EPB41L1: variants seen among roughly 807,000 people sequenced by gnomAD.
EPB41L1 encodes erythrocyte membrane protein band 4.1 like 1.
In EPB41L1, 29 loss-of-function variants were observed where a neutral mutation model predicts 97.8. The ratio of observed to expected loss-of-function variants is 0.30; its 90% CI spans 0.22 to 0.40. The LOEUF is 0.40. EPB41L1 is among the 10% of genes least tolerant of loss of function. The probability of loss-of-function intolerance (pLI) is 1.00; values close to 1 mark genes in which losing one functional copy is unlikely to be tolerated. For synonymous variants in EPB41L1, 383 were observed against 459.2 expected, an observed-to-expected ratio of 0.83 and a Z score of 2.12; for missense variants, 812 against 1,162.3, an observed-to-expected ratio of 0.70 and a Z score of 4.38.
At chr20:36,168,084 C>G (rs1030305993) in intron 1 of EPB41L1, among the ~76,000 whole-genome samples, 2 of 152,228 alleles carry the variant, frequency 1.3e-5, no homozygotes, top group Non-Finnish European at 2.9e-5. Flanking sequence ...AGGACACCCT[C>G]TCCCTGCAGG....
intron 1 of EPB41L1, among the ~76,000 whole-genome samples, chr20:36,164,843 G>A (rs1191403817): frequency 1.3e-5 from 2 of 151,776 alleles, no homozygotes; most frequent in Non-Finnish European, 2.9e-5. Context: ...CTGCCACCAT[G>A]CCCGGCTAAT....
chr20:36,212,493 C>A lies in EPB41L1; in HGVS notation c.2184+117C>A. ...CTTTTAATCTCAGCTTCCCTGGAAC[C>A]CATATGTTAATCCTGATGCTCTCCT... On this transcript the variant is annotated intron_variant, in intron 16 of 21. Coordinates refer to ENST00000338074, the MANE Select transcript of EPB41L1 (RefSeq NM_012156.2). This position sits in a 1 kb window ranked among gnomAD's most constrained non-coding sequence, Gnocchi z 4.8. 2 of 843,640 alleles carry A rather than the reference C, an allele frequency of 2.4e-6. No individual in the cohort carries two copies. Among genetic ancestry groups the A allele is most frequent in the South Asian group, 3.0e-5 (2 of 66,732 alleles). The allele number at this position is 843,640 out of a possible 1,614,324, so 52.3% of individuals were successfully genotyped here.
intron 2 of EPB41L1, among the ~76,000 whole-genome samples, chr20:36,124,871 G>T (rs2058899015): frequency 6.6e-6 from 1 of 152,166 alleles, no homozygotes; most frequent in South Asian, 2.1e-4. Flanking sequence ...GCAGCTTTTA[G>T]TGAGAACTGA....
chr20:36,125,583 C>T (rs575268125), intron 2 of EPB41L1: 2 of 1,530,752 alleles, frequency 1.3e-6, no homozygotes, highest in East Asian at 4.9e-5. Flanking sequence ...GATTGAACCA[C>T]AAGTGCACAG....
intron 5 of EPB41L1, among the ~76,000 whole-genome samples, chr20:36,180,045 C>G (rs2061415429): frequency 6.6e-6 from 1 of 152,186 alleles, no homozygotes; most frequent in African/African-American, 2.4e-5. Context: ...ATGGTCAGGT[C>G]TCAGCATCCC....
At chr20:36,197,008 G>A (rs372780339) in intron 13 of EPB41L1, among the ~76,000 whole-genome samples, 1 of 152,272 alleles carries the variant, frequency 6.6e-6, no homozygotes, top group African/African-American at 2.4e-5. Flanking sequence ...GGGACTTACT[G>A]CTCTTCTTCC....
intron 2 of EPB41L1, among the ~76,000 whole-genome samples, chr20:36,114,308 G>C (rs750381481): frequency 6.6e-6 from 1 of 152,060 alleles, no homozygotes; most frequent in Non-Finnish European, 1.5e-5. Flanking sequence ...TGCCCTCCTC[G>C]TGGCTTAGTT....
chr20:36,193,371 C>T (rs974619046), intron 11 of EPB41L1, among the ~76,000 whole-genome samples: 1 of 152,204 alleles, frequency 6.6e-6, no homozygotes, highest in Non-Finnish European at 1.5e-5. Context: ...TGCATAAATG[C>T]GTACTTTGCA....
At chr20:36,101,612 C>T (rs2147502652) in intron 1 of EPB41L1, among the ~76,000 whole-genome samples, 1 of 152,290 alleles carries the variant, frequency 6.6e-6, no homozygotes, top group Admixed American at 6.5e-5. Context: ...CAGCTTAGCA[C>T]CCCACCCCAT....
intron 7 of EPB41L1, among the ~76,000 whole-genome samples, chr20:36,187,440 A>G (rs1004338746): frequency 1.3e-5 from 2 of 152,218 alleles, no homozygotes; most frequent in Admixed American, 6.5e-5. Context: ...CAGCCTTTGT[A>G]TGATCCCTGG....
intron 2 of EPB41L1, among the ~76,000 whole-genome samples, chr20:36,144,653 G>A (rs1402030405): frequency 3.3e-5 from 5 of 152,172 alleles, no homozygotes; most frequent in African/African-American, 4.8e-5. Flanking sequence ...GAAATAGAAT[G>A]GCTGAGTGGG....
At position 36,209,373 on chromosome 20, in the gene EPB41L1, C is replaced by A; in HGVS notation, c.1669-115C>A. 1 of 1,185,266 alleles carries A rather than the reference C, an allele frequency of 8.4e-7. No individual in the cohort carries two copies. 73.4% of individuals were successfully genotyped at this position (1,185,266 alleles called of 1,614,324 possible). A position where few individuals can be genotyped will look rare whatever the true frequency, so the allele number is the denominator to read the frequency against. The stretch of plus-strand genomic sequence containing the variant: ...TTTTTCATTTCCTGGCCTGCTCTTC[C>A]ATTCAGGATGTCGACACAGCCCCGA... On this transcript the variant is annotated intron_variant, in intron 14 of 21. Coordinates refer to ENST00000338074, the MANE Select transcript of EPB41L1 (RefSeq NM_012156.2). The surrounding 1 kb of genome is among the most constrained non-coding windows in gnomAD (Gnocchi z 4.2).
chr20:36,222,038 GAGA>G, intron 20 of EPB41L1, 94 bp downstream of exon 20: 1 of 1,332,194 alleles, frequency 7.5e-7, no homozygotes, highest in Middle Eastern at 1.8e-4. Context: ...CTCATGGGCA[GAGA>G]AGGTGTCCAC....
At chr20:36,123,505 A>G (rs1399658109) in intron 2 of EPB41L1, among the ~76,000 whole-genome samples, 2 of 152,088 alleles carry the variant, frequency 1.3e-5, no homozygotes, top group African/African-American at 4.8e-5. Context: ...CAGTGGCGCA[A>G]TCTTGGCTCG....
chr20:36,163,044 C>T (rs2060595639), intron 1 of EPB41L1, among the ~76,000 whole-genome samples: 1 of 152,156 alleles, frequency 6.6e-6, no homozygotes, highest in Non-Finnish European at 1.5e-5. Context: ...GTGAGTGTTC[C>T]ATACTGGGGA....
rs1383197977 is a variant in EPB41L1, at chr20:36,093,904, G to C, written c.-65+2292G>C. On this transcript the variant is annotated intron_variant, in intron 1 of 19. Coordinates refer to the EPB41L1 transcript ENST00000202028. This position sits in a 1 kb window ranked among gnomAD's most constrained non-coding sequence, Gnocchi z 5.4. ...CAGTCTCACCCGTGCAGGGCTCTGG[G>C]TGGGTGGGAAGGTAGGTGGGTAGAA... is the stretch of plus-strand genomic sequence containing the variant. 1.3e-5 allele frequency among the ~76,000 whole-genome samples: 2 copies of C among 152,134 alleles called. No homozygotes were observed. The highest frequency in any genetic ancestry group is 2.9e-5 in the Non-Finnish European group (2 of 68,020).
rs529867674 is a variant in EPB41L1, at chr20:36,180,197, C to A, written c.490+1525C>A. On this transcript the variant is annotated intron_variant, in intron 5 of 21. Transcript: ENST00000338074. ...AGAGCCACAGTCTCTGCCTCTACCC[C>A]TGTAACTTCCAGCCATTTATCCTCA... 3.9e-5 allele frequency among the ~76,000 whole-genome samples: 6 copies of A among 152,238 alleles called. No individual in the cohort carries two copies. In the East Asian group the frequency reaches 9.6e-4, roughly 24 times the overall value.
intron 2 of EPB41L1, among the ~76,000 whole-genome samples, chr20:36,114,659 C>T (rs1233482042): frequency 6.6e-6 from 1 of 152,134 alleles, no homozygotes. Flanking sequence ...AATGAAGAAT[C>T]AGGTTGACTC....
intron 2 of EPB41L1, among the ~76,000 whole-genome samples, chr20:36,148,053 C>T (rs989907149): frequency 1.3e-5 from 2 of 152,118 alleles, no homozygotes; most frequent in African/African-American, 4.8e-5. Flanking sequence ...CAGGAGTGTC[C>T]TGGCATCCTG....
Sources: allele counts gnomAD v4.1 joint callset (sites outside exome capture counted in the v4.1 genomes callset), GRCh38; gene constraint gnomAD v4.1.1; non-coding constraint Gnocchi (gnomAD v3.1); transcripts MANE v1.5; gene names NCBI Gene and HGNC (gene_info 2026-07-23, HGNC 2026-07-21).